ATAD3A: variants seen among roughly 807,000 people sequenced by gnomAD.
ATAD3A encodes ATPase family AAA domain-containing protein 3A.
Under a neutral mutation model 73.8 loss-of-function variants are expected in ATAD3A, and 46 were observed. The observed-to-expected ratio is 0.62, with a 90% confidence interval of 0.49 to 0.80. The LOEUF (loss-of-function observed/expected upper bound fraction) is 0.80, where lower values mean the gene tolerates loss of function less well. Among genes scored for constraint, ATAD3A ranks in the 30% least tolerant of loss-of-function variants. ATAD3A has a pLI of 0.00. For synonymous variants in ATAD3A, 319 were observed against 350.0 expected (o/e 0.91, Z 0.99); for missense variants, 705 against 838.0 (o/e 0.84, Z 1.96).
At position 1,523,625 on chromosome 1, in the gene ATAD3A, G is replaced by C. The variant is rs566285500; in HGVS notation, c.963+58G>C. On this transcript the variant is annotated intron_variant, in intron 9 of 15. Coordinates refer to ENST00000378756, the MANE Select transcript of ATAD3A (RefSeq NM_001170535.3). The surrounding 1 kb of genome is among the most constrained non-coding windows in gnomAD (Gnocchi z 5.1). ...AGGGAGGGGACCCTGGAGCTGGGCC[G>C]GGCTGTGGCCCTTGCTGGCGCTCGT... 6 of 1,609,646 alleles carry C rather than the reference G, an allele frequency of 3.7e-6. No homozygotes were observed. In the South Asian group the frequency reaches 5.5e-5, roughly 15 times the overall value.
chr1:1,518,629 CCACAGGCACGCACAACCCCCCCA>C (rs1641467280), intron 4 of ATAD3A, among the ~76,000 whole-genome samples: 1 of 93,408 alleles, frequency 1.1e-5, no homozygotes, highest in African/African-American at 5.1e-5. Context: ...ACACCCCCCC[CCACAGGCACGCACAACCCCCCCA>C]CCCCCCGCAC....
chr1:1,528,428 G>A (rs943556416), intron 14 of ATAD3A, among the ~76,000 whole-genome samples: 1 of 152,250 alleles, frequency 6.6e-6, no homozygotes, highest in Non-Finnish European at 1.5e-5. Context: ...CGGGACTGGA[G>A]GGAGAGGCTC....
chr1:1,513,348 A>C (rs1222939546), intron 1 of ATAD3A, among the ~76,000 whole-genome samples: 1 of 151,398 alleles, frequency 6.6e-6, no homozygotes, highest in Non-Finnish European at 1.5e-5. Context: ...CCAGAAGCTG[A>C]ATCGTAGTGA....
At chr1:1,514,725 A>C (rs1286771909) in intron 1 of ATAD3A, among the ~76,000 whole-genome samples, 2 of 152,160 alleles carry the variant, frequency 1.3e-5, no homozygotes, top group Non-Finnish European at 2.9e-5. Context: ...GCTGGGCTCT[A>C]GTTAGTGACG....
chr1:1,518,484 G>A (rs1470791473), intron 4 of ATAD3A, among the ~76,000 whole-genome samples: 5 of 55,032 alleles, frequency 9.1e-5, no homozygotes, highest in East Asian at 4.5e-4. Context: ...CAGCCCCCCC[G>A]CACACATGGG....
chr1:1,533,074 G>A (rs997726126), intron 15 of ATAD3A, among the ~76,000 whole-genome samples: 5 of 152,204 alleles, frequency 3.3e-5, no homozygotes, highest in East Asian at 3.9e-4. Flanking sequence ...TCGTGGCGAC[G>A]GTGTTGTGGG....
At chr1:1,514,764 A>T (rs1253644559) in intron 1 of ATAD3A, among the ~76,000 whole-genome samples, 1 of 152,230 alleles carries the variant, frequency 6.6e-6, no homozygotes, top group Non-Finnish European at 1.5e-5. Context: ...CTGAAGGCTT[A>T]AAAAAGTGAG....
intron 2 of ATAD3A, 80 bp downstream of exon 2, chr1:1,516,168 G>A (rs1204240807): frequency 2.6e-5 from 42 of 1,593,940 alleles, no homozygotes; most frequent in Non-Finnish European, 3.6e-5. Context: ...TACTGCCGGT[G>A]GGTAGGGCCG....
At position 1,523,973 on chromosome 1, in the gene ATAD3A, G is replaced by A. The variant is rs770414218; in HGVS notation, c.1089+9G>A. 32 of 1,613,722 alleles carry A rather than the reference G, an allele frequency of 2.0e-5. No homozygotes were observed. Among genetic ancestry groups the A allele is most frequent in the East Asian group, 6.7e-5 (3 of 44,882 alleles). ...AGACGCTGTTTGCCAAGGTGAGAGCGCCTGGCTGAACAGGTGGGCCAGGGG... is the reference window on the plus strand; with the variant it reads ...AGACGCTGTTTGCCAAGGTGAGAGCACCTGGCTGAACAGGTGGGCCAGGGG... On this transcript the variant is annotated intron_variant, in intron 10 of 15. Transcript: ENST00000378756. This position sits in a 1 kb window ranked among gnomAD's most constrained non-coding sequence, Gnocchi z 5.1.
Position 1,534,040 on chromosome 1 carries a change from C to T in ATAD3A, c.1729C>T (p.Pro577Ser). ...GATGTGCTGGCTGAAGGCGGAAGGG[C>T]CTGGGCGTGGGGACGAGCCCTCCCC... ...QKMCWLKAEG[P>S]GRGDEPSPS The change falls in exon 16 of 16, where the codon CCT becomes TCT. Residue 577 changes from proline (P) to serine (S), a missense_variant. Pro to Ser is a moderately conservative substitution (Grantham distance 74). Coordinates refer to ENST00000378756, the MANE Select transcript of ATAD3A (RefSeq NM_001170535.3). 6.2e-7 allele frequency: 1 copy of T among 1,613,628 alleles called. No individual in the cohort carries two copies. Among genetic ancestry groups the T allele is most frequent in the Non-Finnish European group, 8.5e-7 (1 of 1,179,928 alleles).
chr1:1,525,365 G>A, intron 12 of ATAD3A, 74 bp downstream of exon 12: 1 of 1,570,858 alleles, frequency 6.4e-7, no homozygotes, highest in East Asian at 2.3e-5. Flanking sequence ...CCAGGCTGCA[G>A]CCCTCTGTTC....
intron 7 of ATAD3A, among the ~76,000 whole-genome samples, chr1:1,521,765 T>C (rs968193677): frequency 7.2e-5 from 11 of 152,236 alleles, no homozygotes; most frequent in African/African-American, 2.2e-4. Flanking sequence ...AATGGTGCCA[T>C]CTCGGCTCAC....
intron 12 of ATAD3A, among the ~76,000 whole-genome samples, chr1:1,525,674 A>G (rs949565025): frequency 1.3e-5 from 2 of 151,874 alleles, no homozygotes; most frequent in Non-Finnish European, 2.9e-5. Flanking sequence ...TTGGCCTCCC[A>G]AAGTGCTGGG....
rs1213605010 is a variant in ATAD3A at position 1,534,401 on chromosome 1, AG to A, written c.*330del. On this transcript the variant is annotated 3_prime_UTR_variant, in exon 16 of 16. Coordinates refer to ENST00000378756, the MANE Select transcript of ATAD3A (RefSeq NM_001170535.3). ...CCACTGTGAGGGTGGGTGCTGGCTG[AG>A]CCCCCGGGGCAGCAGGAGCCAGGCA... 7.6e-6 allele frequency: 10 copies of A among 1,316,778 alleles called. No homozygotes were observed. The highest frequency in any genetic ancestry group is 4.5e-5 in the South Asian group (2 of 44,638). The allele number at this position is 1,316,778 out of a possible 1,614,324, so 81.6% of individuals were successfully genotyped here.
chr1:1,515,854 G>A (rs574549963), intron 1 of ATAD3A, among the ~76,000 whole-genome samples, 158 bp from the exon 2 acceptor site: 2 of 152,274 alleles, frequency 1.3e-5, no homozygotes, highest in South Asian at 2.1e-4. Flanking sequence ...GCATCGTCAC[G>A]CCAGGTCTGA....
intron 10 of ATAD3A, 24 bp from the exon 11 acceptor site, chr1:1,524,249 T>A (rs1233068139): frequency 6.2e-7 from 1 of 1,613,812 alleles, no homozygotes; most frequent in Non-Finnish European, 8.5e-7. Flanking sequence ...ATCTGCTCTG[T>A]CTCCCCTCAC....
intron 15 of ATAD3A, among the ~76,000 whole-genome samples, chr1:1,531,798 TAAA>T (rs1281880344): frequency 6.7e-6 from 1 of 148,742 alleles, no homozygotes; most frequent in Non-Finnish European, 1.5e-5. Context: ...AAATAAAAAA[TAAA>T]ATAATAATTT....
chr1:1,533,073 C>T (rs1478262087), intron 15 of ATAD3A, among the ~76,000 whole-genome samples: 29 of 152,186 alleles, frequency 1.9e-4, no homozygotes, highest in Non-Finnish European at 3.2e-4. Context: ...GTCGTGGCGA[C>T]GGTGTTGTGG....
At chr1:1,515,715 G>A (rs1209917602) in intron 1 of ATAD3A, among the ~76,000 whole-genome samples, 2 of 152,222 alleles carry the variant, frequency 1.3e-5, no homozygotes, top group African/African-American at 4.8e-5. Context: ...GCCATCGCCT[G>A]ACTTTCTGTT....
Sources: allele counts gnomAD v4.1 joint callset (sites outside exome capture counted in the v4.1 genomes callset), GRCh38; gene constraint gnomAD v4.1.1; non-coding constraint Gnocchi (gnomAD v3.1); transcripts MANE v1.5; gene names NCBI Gene and HGNC (gene_info 2026-07-23, HGNC 2026-07-21).